Variants in PCDHGB7 observed in about 807,000 individuals in gnomAD.
The protein encoded by PCDHGB7 is protocadherin gamma-B7.
PCDHGB7 carries 37 observed loss-of-function variants against 61.4 expected under a neutral mutation model. The observed-to-expected ratio is 0.60, with a 90% CI of 0.46 to 0.79. The LOEUF (loss-of-function observed/expected upper bound fraction) is 0.79. PCDHGB7 is among the 30% of genes least tolerant of loss of function. The pLI, the probability that PCDHGB7 is intolerant of heterozygous loss-of-function variation, is 0.00. For synonymous variants in PCDHGB7, 464 were observed against 503.5 expected (o/e 0.92, Z 1.05); for missense variants, 1,166 against 1,202.5 (o/e 0.97, Z 0.45).
At chr5:141,508,718 G>T (rs2099871076) in intron 3 of PCDHGB7, among the ~76,000 whole-genome samples, 1 of 151,852 alleles carries the variant, frequency 6.6e-6, no homozygotes, top group Non-Finnish European at 1.5e-5. Flanking sequence ...TTTTCTGTGT[G>T]CAGGGAGACT....
At chr5:141,446,894 A>C (rs1413761456) in intron 1 of PCDHGB7, among the ~76,000 whole-genome samples, 3 of 152,118 alleles carry the variant, frequency 2.0e-5, no homozygotes, top group Non-Finnish European at 2.9e-5. Flanking sequence ...TTCATGGCTG[A>C]GCTACTTTTG....
At chr5:141,507,611 A>G (rs2099862056) in intron 3 of PCDHGB7, among the ~76,000 whole-genome samples, 1 of 152,258 alleles carries the variant, frequency 6.6e-6, no homozygotes, top group South Asian at 2.1e-4. Flanking sequence ...AAACAGGTAT[A>G]TTTAGCTGTT....
chr5:141,489,268 G>C lies in PCDHGB7; in HGVS notation c.2416-5539G>C. 6.4e-7 allele frequency: 1 copy of C among 1,553,286 alleles called. No individual in the cohort carries two copies. The highest frequency in any genetic ancestry group is 8.7e-7 in the Non-Finnish European group (1 of 1,149,780). ...GGGGCCCAAGACACTCCCACAGCTC[G>C]CTGGGAAATGGCAAGTGCTGTGCAT... On this transcript the variant is annotated intron_variant, in intron 1 of 3. Transcript: ENST00000398594. The surrounding 1 kb of genome is among the most constrained non-coding windows in gnomAD (Gnocchi z 4.5).
At chr5:141,480,497 A>G (rs909585240) in intron 1 of PCDHGB7, among the ~76,000 whole-genome samples, 6 of 152,236 alleles carry the variant, frequency 3.9e-5, no homozygotes, top group Non-Finnish European at 8.8e-5. Flanking sequence ...CCTTAGAAAT[A>G]CACATATGAG....
chr5:141,485,408 T>G lies in PCDHGB7; in HGVS notation c.2416-9399T>G. On this transcript the variant is annotated intron_variant, in intron 1 of 3. Transcript: ENST00000398594. The surrounding 1 kb of genome is among the most constrained non-coding windows in gnomAD (Gnocchi z 5.7). ...GAACCAAAGACACTTCCGTGTGGAT[T>G]TGGACAGCGGAGCCCTGCTCATCAA... 1 of 1,614,112 alleles carries G rather than the reference T, an allele frequency of 6.2e-7. No individual in the cohort carries two copies. The highest frequency in any genetic ancestry group is 8.5e-7 in the Non-Finnish European group (1 of 1,180,034).
At chr5:141,501,569 G>A (rs1401631416) in intron 2 of PCDHGB7, among the ~76,000 whole-genome samples, 3 of 151,998 alleles carry the variant, frequency 2.0e-5, no homozygotes, top group African/African-American at 7.2e-5. Flanking sequence ...AATCATATTA[G>A]GCTGGCTTTC....
chr5:141,507,113 C>G (rs1401559943), intron 3 of PCDHGB7: 1 of 152,220 alleles, frequency 6.6e-6, no homozygotes, highest in Non-Finnish European at 1.5e-5. Context: ...GGGACCATGG[C>G]TGCCTTTGGA....
intron 2 of PCDHGB7, among the ~76,000 whole-genome samples, chr5:141,504,794 A>G (rs2099841154): frequency 6.6e-6 from 1 of 151,718 alleles, no homozygotes; most frequent in African/African-American, 2.4e-5. Flanking sequence ...GGCCTCCTAC[A>G]TCTCCCCCTA....
chr5:141,511,202 C>T lies in PCDHGB7; in HGVS notation c.*29C>T, dbSNP rs201024828. 2.0e-3 allele frequency: 3,296 copies of T among 1,612,132 alleles called. 7 individuals carry two copies. Among genetic ancestry groups the T allele is most frequent in the Middle Eastern group, 0.013 (77 of 6,006 alleles). On this transcript the variant is annotated 3_prime_UTR_variant, in exon 4 of 4. Coordinates refer to ENST00000398594, the MANE Select transcript of PCDHGB7 (RefSeq NM_018927.4). ...GGAGGCCAGGCCAAGAGCCACAGGG[C>T]GGCCTCTCCCCAACCAGCCCAGCTT...
chr5:141,418,495 G>T lies in PCDHGB7; in HGVS notation c.636G>T (p.Leu212=), dbSNP rs745982190. 1 of 1,613,974 alleles carries T rather than the reference G, an allele frequency of 6.2e-7. No individual in the cohort carries two copies. The highest frequency in any genetic ancestry group is 1.1e-5 in the South Asian group (1 of 91,066). The change falls in exon 1 of 4, where the codon CTG becomes CTT. Residue 212 remains leucine, a synonymous_variant. Transcript: ENST00000398594. ...CGCAGAGCGCTCACCACTTGGTACTGACCGCCTTAGATGGTGGGGACCCTC... is the reference window on the plus strand; with the variant it reads ...CGCAGAGCGCTCACCACTTGGTACTTACCGCCTTAGATGGTGGGGACCCTC... The part of the protein sequence containing the change: ...RETQSAHHLV[L]TALDGGDPPR...
rs143939286 is a variant in PCDHGB7 at position 141,427,522 on chromosome 5, T to C, written c.2415+7248T>C. 6.1e-3 allele frequency: 3,716 copies of C among 607,796 alleles called. 27 individuals are homozygous for C. The highest frequency in any genetic ancestry group is 8.8e-3 in the Non-Finnish European group (2,868 of 324,656). The allele number at this position is 607,796 out of a possible 1,614,324, so 37.7% of individuals were successfully genotyped here. A position where few individuals can be genotyped will look rare whatever the true frequency, so the allele number is the denominator to read the frequency against. On this transcript the variant is annotated intron_variant, in intron 1 of 3. Transcript: ENST00000398594. ...GATGGGACCCTGGATTGGGAGCGGATCCCGGAGTACAACGTCACCATCACT... is the reference window on the plus strand; with the variant it reads ...GATGGGACCCTGGATTGGGAGCGGACCCCGGAGTACAACGTCACCATCACT...
intron 2 of PCDHGB7, among the ~76,000 whole-genome samples, chr5:141,504,359 A>C (rs988295720): frequency 2.6e-5 from 4 of 152,044 alleles, no homozygotes; most frequent in African/African-American, 9.7e-5. Flanking sequence ...TAGGTGCTTC[A>C]GTAGGAAGCA....
chr5:141,423,067 G>A (rs757110751), intron 1 of PCDHGB7: 10 of 1,614,024 alleles, frequency 6.2e-6, no homozygotes, highest in South Asian at 5.5e-5. Context: ...TAAGGCCAGC[G>A]AGCCGGGACT....
At chr5:141,475,892 G>A (rs1279219556) in intron 1 of PCDHGB7, 1 of 568,264 alleles carries the variant, frequency 1.8e-6, no homozygotes, top group Non-Finnish European at 3.1e-6. Context: ...GGGACTCTGT[G>A]TGCCGCTGTC....
intron 1 of PCDHGB7, among the ~76,000 whole-genome samples, chr5:141,453,974 T>C (rs1386640440): frequency 6.6e-6 from 1 of 152,242 alleles, no homozygotes; most frequent in Non-Finnish European, 1.5e-5. Flanking sequence ...CATGTAGTTG[T>C]GTTGCCTTCC....
intron 1 of PCDHGB7, among the ~76,000 whole-genome samples, chr5:141,482,052 T>G (rs2099551017): frequency 6.7e-6 from 1 of 150,154 alleles, no homozygotes; most frequent in Non-Finnish European, 1.5e-5. Flanking sequence ...GCTGTTGCAT[T>G]CCAGCCTGGG....
chr5:141,478,736 T>C (rs2099474016), intron 1 of PCDHGB7: 1 of 1,534,678 alleles, frequency 6.5e-7, no homozygotes, highest in African/African-American at 1.4e-5. Flanking sequence ...GTGTGGTTTG[T>C]GGTCCCATTT....
chr5:141,487,889 T>C lies in PCDHGB7; in HGVS notation c.2416-6918T>C, dbSNP rs984668596. On this transcript the variant is annotated intron_variant, in intron 1 of 3. Transcript: ENST00000398594. The surrounding 1 kb of genome is among the most constrained non-coding windows in gnomAD (Gnocchi z 5.0). ...CAAGAGCCAGGCTGTTGTGGAAGCA[T>C]GATGATGGAATGTGGGAGCACAGGA... 6.7e-6 allele frequency: 5 copies of C among 747,180 alleles called. No homozygotes were observed. The highest frequency in any genetic ancestry group is 1.1e-5 in the Non-Finnish European group (5 of 464,054). The allele number at this position is 747,180 out of a possible 1,614,324, so 46.3% of individuals were successfully genotyped here. A position where few individuals can be genotyped will look rare whatever the true frequency, so the allele number is the denominator to read the frequency against.
intron 1 of PCDHGB7, among the ~76,000 whole-genome samples, chr5:141,470,011 C>T (rs2099218489): frequency 6.6e-6 from 1 of 152,144 alleles, no homozygotes; most frequent in Non-Finnish European, 1.5e-5. Context: ...CGCCTGTAAT[C>T]CCAGCTACTC....
Sources: gnomAD v4.1 joint callset for allele counts (sites outside exome capture counted in the v4.1 genomes callset) on GRCh38, gnomAD v4.1.1 for gene constraint, Gnocchi (gnomAD v3.1) non-coding constraint, MANE v1.5 for transcripts, NCBI Gene and HGNC (gene_info 2026-07-23, HGNC 2026-07-21) for gene names.